Variants in RBFOX1 observed in about 807,000 individuals in gnomAD.
RBFOX1 encodes the protein RNA binding fox-1 homolog 1, also known as RNA binding protein fox-1 homolog 1.
Under a neutral mutation model 57.7 loss-of-function variants are expected in RBFOX1, and 8 were observed. That is an observed-to-expected ratio of 0.14 (90% CI 0.08 to 0.25). The LOEUF is 0.25. Among genes scored for constraint, RBFOX1 ranks in the 10% least tolerant of loss-of-function variants. RBFOX1 has a pLI of 1.00. For missense variants in RBFOX1, 611 were observed against 548.5 expected (o/e 1.11, Z -1.14); for synonymous variants, 326 against 222.4 (o/e 1.47, Z -4.15).
chr16:6,329,910 C>T (rs555804076), intron 2 of RBFOX1, among the ~76,000 whole-genome samples: 5 of 152,158 alleles, frequency 3.3e-5, no homozygotes, highest in African/African-American at 2.4e-5. Context: ...TGCACTCCAG[C>T]CTGGGTGACA....
At chr16:5,424,891 CT>C (rs1357290250) in intron 1 of RBFOX1, among the ~76,000 whole-genome samples, 1 of 68,246 alleles carries the variant, frequency 1.5e-5, no homozygotes, top group Non-Finnish European at 3.1e-5. Flanking sequence ...TTCTTTCTTT[CT>C]TTCTTTCTTT....
intron 2 of RBFOX1, among the ~76,000 whole-genome samples, chr16:6,500,545 A>T (rs2095879953): frequency 6.6e-6 from 1 of 152,228 alleles, no homozygotes; most frequent in Non-Finnish European, 1.5e-5. Context: ...GGAATGTTCC[A>T]TAATATTCTG....
At chr16:5,301,017 G>C (rs189131454) in intron 1 of RBFOX1, among the ~76,000 whole-genome samples, 1 of 152,230 alleles carries the variant, frequency 6.6e-6, no homozygotes, top group Non-Finnish European at 1.5e-5. Context: ...AGTAGCCTCT[G>C]CCTCTTGATA....
At chr16:6,668,727 T>C (rs764399246) in intron 3 of RBFOX1, among the ~76,000 whole-genome samples, 1 of 152,230 alleles carries the variant, frequency 6.6e-6, no homozygotes, top group Non-Finnish European at 1.5e-5. Context: ...TGAAATTTTG[T>C]ATTAATTGGG....
chr16:7,046,684 C>A (rs2048083275), intron 3 of RBFOX1, among the ~76,000 whole-genome samples: 1 of 143,572 alleles, frequency 7.0e-6, no homozygotes, highest in Non-Finnish European at 1.5e-5. Context: ...CGGCTCACTG[C>A]AACCTCCGTC....
chr16:7,627,144 T>TTTAAGTTG (rs2060200046), intron 10 of RBFOX1, among the ~76,000 whole-genome samples: 1 of 146,682 alleles, frequency 6.8e-6, no homozygotes, highest in Non-Finnish European at 1.5e-5. Context: ...TTTTTTCTTT[T>TTTAAGTTG]AAGTTGAACC....
At chr16:6,568,213 T>C (rs2097294524) in intron 2 of RBFOX1, among the ~76,000 whole-genome samples, 1 of 152,196 alleles carries the variant, frequency 6.6e-6, no homozygotes, top group South Asian at 2.1e-4. Flanking sequence ...TCCAGGAATC[T>C]GGGAGTGGCT....
chr16:7,665,087 A>G (rs959813680), intron 13 of RBFOX1, 119 bp downstream of exon 13: 5 of 1,592,170 alleles, frequency 3.1e-6, no homozygotes, highest in Admixed American at 1.7e-5. Flanking sequence ...TCTGTAGGAA[A>G]TAATTCCGTG....
At chr16:6,251,228 C>G (rs62015144) in intron 1 of RBFOX1, among the ~76,000 whole-genome samples, 22,334 of 152,156 alleles carry the variant, frequency 0.15, 1,801 homozygotes, top group Middle Eastern at 0.29. Flanking sequence ...CAAGTATTAA[C>G]TAACTTAACT....
chr16:6,934,524 C>T (rs999225414), intron 3 of RBFOX1, among the ~76,000 whole-genome samples: 1 of 152,160 alleles, frequency 6.6e-6, no homozygotes, highest in Admixed American at 6.5e-5. Context: ...TATATGTATG[C>T]AGTGGAGTAC....
intron 2 of RBFOX1, among the ~76,000 whole-genome samples, chr16:6,616,768 C>A (rs190814533): frequency 1.6e-4 from 25 of 152,292 alleles, no homozygotes; most frequent in Non-Finnish European, 7.3e-5. Flanking sequence ...AAAGGCAGGG[C>A]TTTTCTGACA....
chr16:5,814,956 A>G (rs2151789405), intron 3 of RBFOX1, among the ~76,000 whole-genome samples: 2 of 152,010 alleles, frequency 1.3e-5, no homozygotes, highest in South Asian at 4.2e-4. Context: ...AAAAGAAAAA[A>G]AAAAAATTTT....
chr16:7,380,640 C>T (rs575424210), intron 4 of RBFOX1, among the ~76,000 whole-genome samples: 1 of 152,236 alleles, frequency 6.6e-6, no homozygotes, highest in Non-Finnish European at 1.5e-5. Context: ...GGCAGCAGCT[C>T]ACACCGCTGA....
At position 7,278,123 on chromosome 16, in the gene RBFOX1, T is replaced by G. The variant is rs914315993; in HGVS notation, c.27+226025T>G. Among the ~76,000 whole-genome samples the G allele has an allele frequency of 1.6e-4, 25 of 151,890 alleles. 1 individual carries two copies. Among genetic ancestry groups the G allele is most frequent in the Admixed American group, 1.4e-3 (21 of 15,260 alleles). The stretch of plus-strand genomic sequence containing the variant: ...AATCCATAGTGGTATTTGGCTCCGC[T>G]TGGTTTCCAAAATTGTAAGGTAAAT... On this transcript the variant is annotated intron_variant, in intron 4 of 15. Coordinates refer to ENST00000550418, the MANE Select transcript of RBFOX1 (RefSeq NM_018723.4).
At chr16:7,483,699 G>T (rs1035283726) in intron 4 of RBFOX1, among the ~76,000 whole-genome samples, 5 of 152,180 alleles carry the variant, frequency 3.3e-5, no homozygotes, top group Non-Finnish European at 7.3e-5. Flanking sequence ...GTTTTCCAGA[G>T]TTGGGTATAA....
intron 4 of RBFOX1, among the ~76,000 whole-genome samples, chr16:7,456,190 A>T (rs2058477670): frequency 6.6e-6 from 1 of 152,158 alleles, no homozygotes; most frequent in South Asian, 2.1e-4. Context: ...TGGAGGGTTG[A>T]TGTACCCACA....
At chr16:5,365,821 T>A (rs2065697372) in intron 1 of RBFOX1, 1 of 517,738 alleles carries the variant, frequency 1.9e-6, no homozygotes. Flanking sequence ...GACATGGACA[T>A]GAGCCCCCTG....
intron 3 of RBFOX1, among the ~76,000 whole-genome samples, chr16:5,668,195 T>G (rs1243111243): frequency 6.6e-6 from 1 of 152,094 alleles, no homozygotes; most frequent in Non-Finnish European, 1.5e-5. Context: ...GCAGGAGAAT[T>G]GTTTGAACCC....
At chr16:6,354,701 G>C (rs927631545) in intron 2 of RBFOX1, among the ~76,000 whole-genome samples, 1 of 152,112 alleles carries the variant, frequency 6.6e-6, no homozygotes, top group Non-Finnish European at 1.5e-5. Flanking sequence ...GGCCGTTCCT[G>C]TACCTGGAAC....
Sources: allele counts gnomAD v4.1 joint callset (sites outside exome capture counted in the v4.1 genomes callset), GRCh38; gene constraint gnomAD v4.1.1; transcripts MANE v1.5; gene names NCBI Gene and HGNC (gene_info 2026-07-23, HGNC 2026-07-21).